The following SEMA4D variants were observed in gnomAD, a reference collection of about 807,000 sequenced individuals.
SEMA4D encodes the protein semaphorin 4D.
A neutral mutation model predicts 74.8 loss-of-function variants in SEMA4D; 22 were observed. That is an observed-to-expected ratio of 0.29 (90% CI 0.21 to 0.42). The LOEUF (loss-of-function observed/expected upper bound fraction) is 0.42, where lower values mean the gene tolerates loss of function less well. SEMA4D is among the 10% of genes least tolerant of loss of function. The pLI, the probability that SEMA4D is intolerant of heterozygous loss-of-function variation, is 1.00. For missense variants in SEMA4D, 937 were observed against 1,118.4 expected, an observed-to-expected ratio of 0.84 and a Z score of 2.31; for synonymous variants, 445 against 463.7, an observed-to-expected ratio of 0.96 and a Z score of 0.52.
intron 1 of SEMA4D, chr9:89,472,471 C>A (rs1236834578): frequency 1.7e-5 from 2 of 114,594 alleles, no homozygotes; most frequent in Non-Finnish European, 3.2e-5. Flanking sequence ...CTGAGAAGCA[C>A]CCCCCTTTTG....
At chr9:89,369,783 T>C (rs539073506) in intron 16 of SEMA4D, among the ~76,000 whole-genome samples, 16 of 152,354 alleles carry the variant, frequency 1.1e-4, no homozygotes, top group Admixed American at 1.0e-3. Context: ...TTTCCTCCCC[T>C]TGTCAATACA....
chr9:89,438,971 T>C (rs1215367239), intron 2 of SEMA4D, among the ~76,000 whole-genome samples: 5 of 35,796 alleles, frequency 1.4e-4, no homozygotes, highest in African/African-American at 5.2e-4. Context: ...GGCCTTTTTT[T>C]TTTTTTTTTT....
At chr9:89,407,965 C>G (rs1021243256) in intron 2 of SEMA4D, among the ~76,000 whole-genome samples, 1 of 152,254 alleles carries the variant, frequency 6.6e-6, no homozygotes, top group Non-Finnish European at 1.5e-5. Flanking sequence ...CCAAAAGCTG[C>G]TCCACTTTGA....
intron 1 of SEMA4D, among the ~76,000 whole-genome samples, chr9:89,469,206 A>C (rs1207324205): frequency 6.6e-6 from 1 of 152,216 alleles, no homozygotes; most frequent in African/African-American, 2.4e-5. Context: ...TTTCTCAATA[A>C]CAACCAACCA....
At chr9:89,372,175 ATGGGTGTGGTG>A in intron 16 of SEMA4D, among the ~76,000 whole-genome samples, 1 of 12,238 alleles carries the variant, frequency 8.2e-5, no homozygotes, top group African/African-American at 3.7e-4. Flanking sequence ...GGGGGGTGTG[ATGGGTGTGGTG>A]TGTGTGGGGG....
chr9:89,463,260 A>G (rs1436233282), intron 1 of SEMA4D, among the ~76,000 whole-genome samples: 1 of 152,160 alleles, frequency 6.6e-6, no homozygotes, highest in Non-Finnish European at 1.5e-5. Flanking sequence ...TATTCTTTTC[A>G]GAATCTTTGA....
At chr9:89,423,714 T>C (rs1847462321) in intron 2 of SEMA4D, among the ~76,000 whole-genome samples, 1 of 151,542 alleles carries the variant, frequency 6.6e-6, no homozygotes, top group South Asian at 2.1e-4. Context: ...CTCCCCTCCC[T>C]CTGCTACTCC....
chr9:89,497,542 G>GC (rs1826124399), intron 1 of SEMA4D: 1 of 151,860 alleles, frequency 6.6e-6, no homozygotes, highest in Admixed American at 6.6e-5. Context: ...CGAGCGCACC[G>GC]CCCCCTCCCT....
intron 2 of SEMA4D, among the ~76,000 whole-genome samples, chr9:89,435,685 T>A (rs1329547554): frequency 6.6e-6 from 1 of 152,224 alleles, no homozygotes; most frequent in Non-Finnish European, 1.5e-5. Flanking sequence ...CACGGCTTTA[T>A]GCAGAGCAAG....
chr9:89,466,248 T>A (rs1330234542), intron 1 of SEMA4D, among the ~76,000 whole-genome samples: 2 of 152,152 alleles, frequency 1.3e-5, no homozygotes, highest in Admixed American at 6.5e-5. Context: ...CCCTGACTTG[T>A]ACAAAAAATA....
At chr9:89,388,568 C>T (rs1320062692) in intron 11 of SEMA4D, 68 bp downstream of exon 11, 2 of 1,540,764 alleles carry the variant, frequency 1.3e-6, no homozygotes, top group African/African-American at 1.4e-5. Context: ...GGCCCCAGTG[C>T]CTGTACTGGA....
chr9:89,407,557 T>TCCACTGCTAC (rs1051249653), intron 2 of SEMA4D, among the ~76,000 whole-genome samples: 1 of 152,214 alleles, frequency 6.6e-6, no homozygotes, highest in African/African-American at 2.4e-5. Context: ...CTCCCTCCAG[T>TCCACTGCTAC]CCACTGCCAC....
intron 2 of SEMA4D, among the ~76,000 whole-genome samples, chr9:89,448,165 A>T (rs1486135283): frequency 6.6e-6 from 1 of 152,088 alleles, no homozygotes; most frequent in Non-Finnish European, 1.5e-5. Context: ...TATAGAGATG[A>T]GGGTCTCACT....
rs1289170105 is a variant in SEMA4D, at chr9:89,387,371, G to GC, written c.1330+14dup. ...GTGCTGTCACTGTCAAGCCTGCCAAGCCCTCGGAACCCACCTGTGCTGACA... is the reference window on the plus strand; with the variant it reads ...GTGCTGTCACTGTCAAGCCTGCCAAGCCCCTCGGAACCCACCTGTGCTGACA... On this transcript the variant is annotated intron_variant, in intron 12 of 15. Transcript: ENST00000422704. 1.3e-6 allele frequency: 2 copies of GC among 1,591,888 alleles called. No individual in the cohort carries two copies. The highest frequency in any genetic ancestry group is 3.4e-5 in the Admixed American group (2 of 58,826).
At chr9:89,384,408 C>T (rs769009625) in intron 13 of SEMA4D, among the ~76,000 whole-genome samples, 39 of 152,326 alleles carry the variant, frequency 2.6e-4, no homozygotes, top group Non-Finnish European at 1.3e-4. Context: ...TGGATAAATA[C>T]TGTGTGATTC....
intron 8 of SEMA4D, 113 bp from the exon 9 acceptor site, chr9:89,391,528 AG>A: frequency 9.8e-7 from 1 of 1,019,464 alleles, no homozygotes; most frequent in Non-Finnish European, 1.5e-6. Context: ...CTTCCCTGCA[AG>A]GATGTCTGGA....
chr9:89,438,880 T>C (rs1314791527), intron 2 of SEMA4D, among the ~76,000 whole-genome samples: 2 of 148,616 alleles, frequency 1.3e-5, no homozygotes, highest in Non-Finnish European at 3.0e-5. Flanking sequence ...TTAGCCAGGA[T>C]GGTCTCAGTC....
Position 89,377,505 on chromosome 9 carries a change from C to T in SEMA4D, c.*1199G>A, listed in dbSNP as rs1835989303. 6.5e-6 allele frequency: 1 copy of T among 154,122 alleles called. No individual in the cohort carries two copies. Among genetic ancestry groups the T allele is most frequent in the Admixed American group, 6.5e-5 (1 of 15,382 alleles). 9.5% of individuals were successfully genotyped at this position (154,122 alleles called of 1,614,324 possible). A position where few individuals can be genotyped will look rare whatever the true frequency, so the allele number is the denominator to read the frequency against. ...TTAACCAGTGTTGAAATCGTACCAC[C>T]CATTCACATCTTCAGGACAGTGGCA... On this transcript the variant is annotated 3_prime_UTR_variant, in exon 16 of 16. Transcript: ENST00000422704.
chr9:89,480,267 A>C (rs2136174215), intron 1 of SEMA4D, among the ~76,000 whole-genome samples: 1 of 152,328 alleles, frequency 6.6e-6, no homozygotes, highest in East Asian at 1.9e-4. Context: ...AGCTAAACAC[A>C]GGGTGCTGAT....
Sources: gnomAD v4.1 joint callset for allele counts (sites outside exome capture counted in the v4.1 genomes callset) on GRCh38, gnomAD v4.1.1 for gene constraint, MANE v1.5 for transcripts, NCBI Gene and HGNC (gene_info 2026-07-23, HGNC 2026-07-21) for gene names.